Variants in TMEM120A observed in about 807,000 individuals in gnomAD.
TMEM120A encodes transmembrane protein 120A, also known as ion channel TACAN.
In TMEM120A, 45 loss-of-function variants were observed where a neutral mutation model predicts 54.3. The observed-to-expected ratio is 0.83, with a 90% CI of 0.65 to 1.06. TMEM120A has a LOEUF of 1.06. TMEM120A is among the 50% of genes least tolerant of loss of function. The pLI, the probability that TMEM120A is intolerant of heterozygous loss-of-function variation, is 0.00. For missense variants in TMEM120A, 424 were observed against 441.7 expected, an observed-to-expected ratio of 0.96 and a Z score of 0.36; for synonymous variants, 204 against 178.5, an observed-to-expected ratio of 1.14 and a Z score of -1.14.
chr7:75,987,707 T>G lies in TMEM120A; in HGVS notation c.784+11A>C. ...GGGAATGTCCAGATGCCAGGGCCAC[T>G]CCCGACTCACCCACAGTGAGGTCCA... On this transcript the variant is annotated intron_variant, in intron 9 of 11. Coordinates refer to ENST00000493111, the MANE Select transcript of TMEM120A (RefSeq NM_031925.3). 1 of 1,611,826 alleles carries G rather than the reference T, an allele frequency of 6.2e-7. No homozygotes were observed. Among genetic ancestry groups the G allele is most frequent in the Non-Finnish European group, 8.5e-7 (1 of 1,179,590 alleles).
At chr7:75,988,623 C>A (rs575948087) in intron 4 of TMEM120A, 107 bp from the exon 5 acceptor site, 1 of 283,796 alleles carries the variant, frequency 3.5e-6, no homozygotes, top group African/African-American at 7.8e-5. Flanking sequence ...AGGAGAAGGC[C>A]GGGTTGGGGG....
chr7:75,992,270 A>G lies in TMEM120A; in HGVS notation c.201-10T>C. ...GAGGGAGGGTTTGCATCTGCGGGTA[A>G]GGCCAGAAACAGTCAGGGCAAGAGG... On this transcript the variant is annotated splice_polypyrimidine_tract_variant and intron_variant, in intron 2 of 11. Transcript: ENST00000493111. 1 of 1,599,552 alleles carries G rather than the reference A, an allele frequency of 6.3e-7. No homozygotes were observed. The highest frequency in any genetic ancestry group is 8.5e-7 in the Non-Finnish European group (1 of 1,172,902).
intron 3 of TMEM120A, among the ~76,000 whole-genome samples, chr7:75,990,105 C>T (rs1239371172): frequency 6.6e-6 from 1 of 152,166 alleles, no homozygotes; most frequent in African/African-American, 2.4e-5. Context: ...ATGCTCCCGG[C>T]ACAGTGCTCC....
At chr7:75,991,533 G>A (rs1465649435) in intron 3 of TMEM120A, among the ~76,000 whole-genome samples, 1 of 152,104 alleles carries the variant, frequency 6.6e-6, no homozygotes, top group Non-Finnish European at 1.5e-5. Flanking sequence ...AGCCTCCCAA[G>A]TAGCTGGGAT....
intron 2 of TMEM120A, 56 bp from the exon 3 acceptor site, chr7:75,992,316 A>T: frequency 6.4e-7 from 1 of 1,555,884 alleles, no homozygotes. Flanking sequence ...GTCCTCCCTG[A>T]CTCCCACAGG....
Position 75,989,361 on chromosome 7 carries a change from G to A in TMEM120A, c.318-137C>T, listed in dbSNP as rs558805692. 5.5e-5 allele frequency: 37 copies of A among 675,218 alleles called. No individual in the cohort carries two copies. In the East Asian group the frequency reaches 6.6e-4, roughly 12 times the overall value. The allele number at this position is 675,218 out of a possible 1,614,324, so 41.8% of individuals were successfully genotyped here. Reference sequence around the variant, plus strand: ...CTGCTTTCCGCAGGGCCTTGGCATCGGGTTCTGACCTTGGAGGCTGCAGAC... The same window carrying A: ...CTGCTTTCCGCAGGGCCTTGGCATCAGGTTCTGACCTTGGAGGCTGCAGAC... On this transcript the variant is annotated intron_variant, in intron 3 of 11. Transcript: ENST00000493111.
Position 75,987,240 on chromosome 7 carries a change from A to G in TMEM120A, c.964T>C (p.Phe322Leu), listed in dbSNP as rs926691205. ...FPFLLLFLGN[F>L]FTTLRVVHHK... Reference sequence around the variant, plus strand: ...TGCACAACCCTCAGGGTGGTGAAGAAATTGCCGAGGAAAAGGAGGAGGAAG... The same window carrying G: ...TGCACAACCCTCAGGGTGGTGAAGAGATTGCCGAGGAAAAGGAGGAGGAAG... Residue 322 changes from phenylalanine to leucine, a missense_variant, in exon 12 of 12, where the codon TTC becomes CTC. Phe to Leu is a conservative substitution (Grantham distance 22). Coordinates refer to ENST00000493111, the MANE Select transcript of TMEM120A (RefSeq NM_031925.3). The G allele has an allele frequency of 3.1e-6, 5 of 1,608,820 alleles. No individual in the cohort carries two copies. The highest frequency in any genetic ancestry group is 4.2e-6 in the Non-Finnish European group (5 of 1,178,184).
rs1554559700 is a variant in TMEM120A, at chr7:75,986,904, TTAAC to T, written c.*264_*267del. The stretch of plus-strand genomic sequence containing the variant: ...ATCTGGGACCTCCACCTGCATCAAC[TTAAC>T]TAACTCAGACCCCAGGAACCCATGT... On this transcript the variant is annotated 3_prime_UTR_variant, in exon 12 of 12. Transcript: ENST00000493111. 3 of 586,662 alleles carry T rather than the reference TTAAC, an allele frequency of 5.1e-6. No individual in the cohort carries two copies. Among genetic ancestry groups the T allele is most frequent in the South Asian group, 2.2e-5 (1 of 45,608 alleles). The allele number at this position is 586,662 out of a possible 1,614,324, so 36.3% of individuals were successfully genotyped here.
At position 75,987,377 on chromosome 7, in the gene TMEM120A, G is replaced by A; in HGVS notation, c.901C>T (p.Gln301Ter). The part of the protein sequence containing the change: ...LTLFNLAQDP[Q>*]CKEWQVLMCG... Reference sequence around the variant, plus strand: ...CGGCTCACCTGCCACTCCTTGCACTGAGGGTCCTGGGCCAGGTTGAACAAC... The same window carrying A: ...CGGCTCACCTGCCACTCCTTGCACTAAGGGTCCTGGGCCAGGTTGAACAAC... Residue 301 changes from glutamine (Q) to a stop codon, truncating the protein, a stop_gained, in exon 11 of 12, where the codon CAG becomes TAG. Transcript: ENST00000493111. LOFTEE classifies it high-confidence loss of function. The A allele has an allele frequency of 6.4e-7, 1 of 1,566,502 alleles. No individual in the cohort carries two copies. The highest frequency in any genetic ancestry group is 8.6e-7 in the Non-Finnish European group (1 of 1,156,520).
At chr7:75,993,730 C>G (rs1188122648) in intron 1 of TMEM120A, among the ~76,000 whole-genome samples, 1 of 152,220 alleles carries the variant, frequency 6.6e-6, no homozygotes, top group Non-Finnish European at 1.5e-5. Flanking sequence ...CACCACGCCC[C>G]CTCGGACCCC....
intron 6 of TMEM120A, 37 bp from the exon 7 acceptor site, chr7:75,988,185 TC>T: frequency 1.2e-6 from 2 of 1,611,564 alleles, no homozygotes; most frequent in Non-Finnish European, 1.7e-6. Context: ...CAGCGCCTGT[TC>T]CTGCTTCCCG....
chr7:75,987,876 C>A (rs373597380), intron 8 of TMEM120A, 47 bp downstream of exon 8: 44 of 1,598,078 alleles, frequency 2.8e-5, no homozygotes, highest in East Asian at 2.3e-4. Context: ...CCCTGCCCCC[C>A]ACCACGGGTG....
chr7:75,988,592 G>T, intron 4 of TMEM120A, 76 bp from the exon 5 acceptor site: 1 of 966,684 alleles, frequency 1.0e-6, no homozygotes, highest in South Asian at 1.3e-5. Context: ...GAGGGCAGCT[G>T]AGCCAAGGGT....
At chr7:75,990,486 AG>A in intron 3 of TMEM120A, among the ~76,000 whole-genome samples, 1 of 152,112 alleles carries the variant, frequency 6.6e-6, no homozygotes, top group East Asian at 1.9e-4. Flanking sequence ...GTCTTCCCAG[AG>A]GCAAAGTAAC....
intron 1 of TMEM120A, 70 bp from the exon 2 acceptor site, chr7:75,992,627 G>T: frequency 8.6e-7 from 1 of 1,161,066 alleles, no homozygotes; most frequent in Non-Finnish European, 1.2e-6. Flanking sequence ...GGCAGGACGT[G>T]GCGCTCAGGC....
intron 1 of TMEM120A, among the ~76,000 whole-genome samples, chr7:75,993,056 C>T (rs1157027777): frequency 2.0e-5 from 3 of 152,210 alleles, no homozygotes; most frequent in Non-Finnish European, 4.4e-5. Context: ...CCTGCCTCGG[C>T]CTCCCAAAGT....
chr7:75,991,320 T>C (rs1406909662), intron 3 of TMEM120A, among the ~76,000 whole-genome samples: 2 of 152,106 alleles, frequency 1.3e-5, no homozygotes, highest in Non-Finnish European at 2.9e-5. Flanking sequence ...CGCCCCGACC[T>C]CTGGCCACTA....
Position 75,988,145 on chromosome 7 carries a change from G to A in TMEM120A, c.567C>T (p.Ile189=), listed in dbSNP as rs1554560577. The A allele has an allele frequency of 6.2e-7, 1 of 1,610,660 alleles. No homozygotes were observed. Among genetic ancestry groups the A allele is most frequent in the South Asian group, 1.1e-5 (1 of 90,818 alleles). The change falls in exon 7 of 12, where the codon ATC becomes ATT. Residue 189 remains isoleucine (I), a synonymous_variant. Coordinates refer to ENST00000493111, the MANE Select transcript of TMEM120A (RefSeq NM_031925.3). ...ESILINNGSR[I]KGWWVFHHYV... is the part of the protein sequence containing the mutation. ...AGTGATGGAACACCCACCAGCCTTTGATCCTGGAGCAGAGAGCCACCATCA... is the reference window on the plus strand; with the variant it reads ...AGTGATGGAACACCCACCAGCCTTTAATCCTGGAGCAGAGAGCCACCATCA...
intron 3 of TMEM120A, among the ~76,000 whole-genome samples, chr7:75,990,880 AGAGT>A (rs1789818717): frequency 1.4e-5 from 2 of 142,632 alleles, no homozygotes; most frequent in Non-Finnish European, 3.0e-5. Context: ...GCCTAGCGAC[AGAGT>A]GAGACTCTGT....
Sources: allele counts gnomAD v4.1 joint callset (sites outside exome capture counted in the v4.1 genomes callset), GRCh38; gene constraint gnomAD v4.1.1; transcripts MANE v1.5; gene names NCBI Gene and HGNC (gene_info 2026-07-23, HGNC 2026-07-21).